GARIN5A: variants seen among roughly 807,000 people sequenced by gnomAD.
The protein encoded by GARIN5A is Golgi-associated RAB2 interactor protein 5A.
At chr19:50,474,591 C>T in the GARIN5A span, among the ~76,000 whole-genome samples, 1 of 152,060 alleles carries the variant, frequency 6.6e-6, no homozygotes, top group African/African-American at 2.4e-5. Context: ...GTGATCCACC[C>T]ACCTCAGCCT....
the GARIN5A span, chr19:50,475,820 TG>T: frequency 6.3e-7 from 1 of 1,597,092 alleles, no homozygotes; most frequent in Non-Finnish European, 8.6e-7. Context: ...GAGGGGGTTC[TG>T]GGGCTCCCTA....
the GARIN5A span, among the ~76,000 whole-genome samples, chr19:50,471,850 GCATA>G: frequency 6.7e-6 from 1 of 150,032 alleles, no homozygotes; most frequent in Non-Finnish European, 1.5e-5. Context: ...GTGTGCATAC[GCATA>G]CATACATGTG....
At chr19:50,468,074 T>G in the GARIN5A span, among the ~76,000 whole-genome samples, 1 of 152,194 alleles carries the variant, frequency 6.6e-6, no homozygotes, top group Admixed American at 6.5e-5. Flanking sequence ...GAAATTTCCA[T>G]CTGGGGCCAG....
Sources: allele counts gnomAD v4.1 joint callset (sites outside exome capture counted in the v4.1 genomes callset), GRCh38; gene constraint gnomAD v4.1.1; transcripts MANE v1.5; gene names NCBI Gene and HGNC (gene_info 2026-07-23, HGNC 2026-07-21).